Variants in CUBN observed in about 807,000 individuals in gnomAD.
CUBN encodes the protein 460 kDa receptor.
Under a neutral mutation model 405.3 loss-of-function variants are expected in CUBN, and 282 were observed. That is an observed-to-expected ratio of 0.70 (90% confidence interval 0.63 to 0.77). The LOEUF (loss-of-function observed/expected upper bound fraction) is 0.77, where lower values mean the gene tolerates loss of function less well. CUBN is among the 30% of genes least tolerant of loss of function. The pLI is 0.00. For missense variants in CUBN, 4,514 were observed against 4,475.2 expected (o/e 1.01, Z -0.25); for synonymous variants, 1,684 against 1,617.0 (o/e 1.04, Z -0.99).
intron 31 of CUBN, among the ~76,000 whole-genome samples, chr10:16,977,687 G>A (rs978903849): frequency 3.9e-5 from 6 of 152,182 alleles, no homozygotes; most frequent in Non-Finnish European, 7.3e-5. Context: ...GCCATCTGAG[G>A]ATGGCAGAGC....
chr10:17,041,026 T>A lies in CUBN; in HGVS notation c.4017+7A>T. Reference sequence around the variant, plus strand: ...AGCAGTGATCAATCAAGCTTTATAATACATACCTCTAAATAATCTGTGGAG... The same window carrying A: ...AGCAGTGATCAATCAAGCTTTATAAAACATACCTCTAAATAATCTGTGGAG... On this transcript the variant is annotated splice_region_variant and intron_variant, in intron 27 of 66. Coordinates refer to ENST00000377833, the MANE Select transcript of CUBN (RefSeq NM_001081.4). 1 of 1,612,090 alleles carries A rather than the reference T, an allele frequency of 6.2e-7. No homozygotes were observed. The highest frequency in any genetic ancestry group is 8.5e-7 in the Non-Finnish European group (1 of 1,178,132).
chr10:16,910,165 T>C (rs1302700406), intron 48 of CUBN, among the ~76,000 whole-genome samples: 1 of 151,924 alleles, frequency 6.6e-6, no homozygotes, highest in African/African-American at 2.4e-5. Context: ...TCCTTCTTAT[T>C]GTTCTTCTTT....
chr10:17,026,664 T>A (rs1834674905), intron 27 of CUBN, among the ~76,000 whole-genome samples: 1 of 151,450 alleles, frequency 6.6e-6, no homozygotes, highest in South Asian at 2.1e-4. Flanking sequence ...ATAATAAGAA[T>A]CACAGAGGAG....
Position 16,976,730 on chromosome 10 carries a change from T to C in CUBN, c.4695+5754A>G, listed in dbSNP as rs146870168. Among the ~76,000 whole-genome samples, 6 of 152,300 alleles carry C rather than the reference T, an allele frequency of 3.9e-5. No individual in the cohort carries two copies. The South Asian group carries it at 1.0e-3, about 26-fold the overall frequency. On this transcript the variant is annotated intron_variant, in intron 31 of 66. Coordinates refer to ENST00000377833, the MANE Select transcript of CUBN (RefSeq NM_001081.4). ...CCTCTATGTGTCTTAACCTCTCTTA[T>C]ATATTTTTCATCCTTTTTTTATCCA... is the stretch of plus-strand genomic sequence containing the variant.
Position 16,945,152 on chromosome 10 carries a change from A to T in CUBN, c.5342+2083T>A, listed in dbSNP as rs1398836814. On this transcript the variant is annotated intron_variant, in intron 36 of 66. Transcript: ENST00000377833. The stretch of plus-strand genomic sequence containing the variant: ...CTAGCTCAGTTCCTGGCAACCACTG[A>T]ATGAGAGCAGTCAACAATGTGAATG... Among the ~76,000 whole-genome samples, 3 of 152,284 alleles carry T rather than the reference A, an allele frequency of 2.0e-5. No homozygotes were observed. In the East Asian group the frequency reaches 5.8e-4, roughly 29 times the overall value.
intron 32 of CUBN, among the ~76,000 whole-genome samples, chr10:16,953,565 A>C (rs550678156): frequency 3.9e-5 from 6 of 152,284 alleles, no homozygotes; most frequent in Admixed American, 3.9e-4. Flanking sequence ...AATGGGTAAA[A>C]AGGTCTTGGA....
At chr10:17,068,793 CA>C in intron 19 of CUBN, 23 bp from the exon 20 acceptor site, 2 of 1,579,632 alleles carry the variant, frequency 1.3e-6, no homozygotes, top group Non-Finnish European at 1.7e-6. Context: ...AAGATATGTT[CA>C]AATATGTTGT....
chr10:16,864,721 G>A (rs1252431230), intron 59 of CUBN, among the ~76,000 whole-genome samples: 1 of 146,044 alleles, frequency 6.8e-6, no homozygotes, highest in African/African-American at 2.6e-5. Context: ...CACAATCTTG[G>A]CTCACCACAA....
Position 16,892,375 on chromosome 10 carries a change from T to C in CUBN, c.8599-1848A>G, listed in dbSNP as rs552852634. ...GCACCTACTCAATTTTACTTAATGA[T>C]CTCTAATTAGATTTCCCCCTAATAA... On this transcript the variant is annotated intron_variant, in intron 54 of 66. Coordinates refer to ENST00000377833, the MANE Select transcript of CUBN (RefSeq NM_001081.4). Among the ~76,000 whole-genome samples, 5 of 152,258 alleles carry C rather than the reference T, an allele frequency of 3.3e-5. No homozygotes were observed. In the South Asian group the frequency reaches 1.0e-3, roughly 32 times the overall value.
chr10:16,857,584 A>T (rs1486724328), intron 59 of CUBN, among the ~76,000 whole-genome samples: 2 of 152,254 alleles, frequency 1.3e-5, no homozygotes, highest in Non-Finnish European at 2.9e-5. Flanking sequence ...TGACATGATC[A>T]TGTCAGTTGA....
intron 22 of CUBN, among the ~76,000 whole-genome samples, chr10:17,054,087 C>T (rs1835331405): frequency 6.6e-6 from 1 of 151,994 alleles, no homozygotes; most frequent in Non-Finnish European, 1.5e-5. Flanking sequence ...AATCCTAGCA[C>T]TTTGGGAGGC....
chr10:17,092,218 C>T (rs184443528), intron 14 of CUBN, among the ~76,000 whole-genome samples: 2 of 152,268 alleles, frequency 1.3e-5, no homozygotes, highest in African/African-American at 4.8e-5. Context: ...CTCCTCTCTA[C>T]CCTGAATACA....
intron 15 of CUBN, among the ~76,000 whole-genome samples, chr10:17,086,572 G>C (rs1249621004): frequency 5.3e-5 from 8 of 152,020 alleles, no homozygotes; most frequent in African/African-American, 2.4e-5. Context: ...TGATAATGAC[G>C]TGACCTTAGA....
intron 65 of CUBN, 69 bp downstream of exon 65, chr10:16,831,183 T>C: frequency 7.4e-7 from 1 of 1,355,508 alleles, no homozygotes; most frequent in East Asian, 2.3e-5. Context: ...AAAGTTACTT[T>C]GCCTTTTACT....
chr10:17,096,900 A>C (rs1029295711), intron 14 of CUBN, among the ~76,000 whole-genome samples: 2 of 152,284 alleles, frequency 1.3e-5, no homozygotes, highest in South Asian at 4.1e-4. Context: ...CCGAATGCTA[A>C]TGAAAACATA....
chr10:16,908,153 T>C (rs1358829674), intron 48 of CUBN, among the ~76,000 whole-genome samples: 1 of 152,188 alleles, frequency 6.6e-6, no homozygotes, highest in East Asian at 1.9e-4. Context: ...TTTTTATTTA[T>C]TTATTTTTTG....
At chr10:16,965,330 T>G (rs370292607) in intron 31 of CUBN, among the ~76,000 whole-genome samples, 3 of 152,222 alleles carry the variant, frequency 2.0e-5, no homozygotes, top group Non-Finnish European at 2.9e-5. Context: ...TGAGCATACA[T>G]TTTTAAATTG....
chr10:16,840,628 C>A, intron 61 of CUBN, 93 bp from the exon 62 acceptor site: 1 of 1,062,452 alleles, frequency 9.4e-7, no homozygotes, highest in Non-Finnish European at 1.4e-6. Context: ...CCTCCCACCC[C>A]GGAGGAGCTA....
chr10:17,077,732 T>C (rs1221461114), intron 17 of CUBN, among the ~76,000 whole-genome samples: 3 of 152,064 alleles, frequency 2.0e-5, no homozygotes, highest in Admixed American at 2.0e-4. Flanking sequence ...CTAATCTGGG[T>C]GAGCAGGAGA....
Sources: allele counts gnomAD v4.1 joint callset (sites outside exome capture counted in the v4.1 genomes callset), GRCh38; gene constraint gnomAD v4.1.1; transcripts MANE v1.5; gene names NCBI Gene and HGNC (gene_info 2026-07-23, HGNC 2026-07-21).